The following ARHGEF37 variants were observed in gnomAD, a reference collection of about 807,000 sequenced individuals.
ARHGEF37 encodes the protein Rho guanine nucleotide exchange factor 37.
A neutral mutation model predicts 71.1 loss-of-function variants in ARHGEF37; 55 were observed. The ratio of observed to expected loss-of-function variants is 0.77; its 90% CI spans 0.62 to 0.97. The LOEUF (loss-of-function observed/expected upper bound fraction) is 0.97, where lower values mean the gene tolerates loss of function less well. Among genes scored for constraint, ARHGEF37 ranks in the 50% least tolerant of loss-of-function variants. The probability of loss-of-function intolerance (pLI) is 0.00; values close to 1 mark genes in which losing one functional copy is unlikely to be tolerated. For missense variants in ARHGEF37, 765 were observed against 836.8 expected, an observed-to-expected ratio of 0.91 and a Z score of 1.06; for synonymous variants, 327 against 350.6, an observed-to-expected ratio of 0.93 and a Z score of 0.75.
chr5:149,631,929 T>C (rs1752893990), intron 12 of ARHGEF37, 53 bp from the exon 13 acceptor site: 2 of 1,579,872 alleles, frequency 1.3e-6, no homozygotes. Context: ...CTGGATCCAG[T>C]CTGTCTACCT....
chr5:149,623,780 A>G (rs2113379812), intron 9 of ARHGEF37, among the ~76,000 whole-genome samples: 1 of 152,314 alleles, frequency 6.6e-6, no homozygotes, highest in Admixed American at 6.5e-5. Flanking sequence ...CTAGGTCAGC[A>G]CTAAGAACAA....
intron 1 of ARHGEF37, among the ~76,000 whole-genome samples, chr5:149,583,120 G>A (rs1002422991): frequency 1.3e-5 from 2 of 152,036 alleles, no homozygotes; most frequent in African/African-American, 2.4e-5. Flanking sequence ...TCAACACCCC[G>A]TTTTTTTGTT....
chr5:149,625,219 A>C (rs1752651958), intron 10 of ARHGEF37, among the ~76,000 whole-genome samples: 1 of 152,132 alleles, frequency 6.6e-6, no homozygotes. Context: ...ATGCTTTTTA[A>C]AAAATGTATT....
chr5:149,597,971 C>A lies in ARHGEF37; in HGVS notation c.186+16C>A. 6.4e-7 allele frequency: 1 copy of A among 1,560,376 alleles called. No individual in the cohort carries two copies. Among genetic ancestry groups the A allele is most frequent in the Non-Finnish European group, 8.7e-7 (1 of 1,155,030 alleles). On this transcript the variant is annotated intron_variant, in intron 2 of 12. Coordinates refer to ENST00000333677, the MANE Select transcript of ARHGEF37 (RefSeq NM_001001669.3). The stretch of plus-strand genomic sequence containing the variant: ...CCTCCAGCAGGTACTTGGGTGGGGT[C>A]ACACACAACCTGTCTTTATAGGGGC...
At chr5:149,598,899 G>C (rs1763672437) in intron 2 of ARHGEF37, among the ~76,000 whole-genome samples, 1 of 151,812 alleles carries the variant, frequency 6.6e-6, no homozygotes, top group South Asian at 2.1e-4. Context: ...AGAGGCAAAG[G>C]ATCCAGCATC....
rs113313228 is a variant in ARHGEF37 at position 149,599,418 on chromosome 5, G to A, written c.186+1463G>A. Among the ~76,000 whole-genome samples, 46 of 58,836 alleles carry A rather than the reference G, an allele frequency of 7.8e-4. 1 individual carries two copies. The highest frequency in any genetic ancestry group is 6.7e-3 in the African/African-American group (43 of 6,394). 38.6% of individuals were successfully genotyped at this position (58,836 alleles called of 152,430 possible). On this transcript the variant is annotated intron_variant, in intron 2 of 12. Coordinates refer to ENST00000333677, the MANE Select transcript of ARHGEF37 (RefSeq NM_001001669.3). ...CCAGGGCAAGGCTCGGCTCACCCAGGAAAGCCCAAGGCAAACTTATTTATT... is the reference window on the plus strand; with the variant it reads ...CCAGGGCAAGGCTCGGCTCACCCAGAAAAGCCCAAGGCAAACTTATTTATT...
chr5:149,613,126 G>A (rs1478201149), intron 4 of ARHGEF37, among the ~76,000 whole-genome samples: 1 of 152,194 alleles, frequency 6.6e-6, no homozygotes, highest in Non-Finnish European at 1.5e-5. Context: ...GGAGAAGGCA[G>A]ATAACCTTCT....
At chr5:149,586,030 A>G (rs1033119368) in intron 1 of ARHGEF37, among the ~76,000 whole-genome samples, 1 of 152,168 alleles carries the variant, frequency 6.6e-6, no homozygotes, top group African/African-American at 2.4e-5. Context: ...GCACCAACTA[A>G]ATGCTAGATC....
At chr5:149,565,445 C>T (rs1408705456) in intron 1 of ARHGEF37, among the ~76,000 whole-genome samples, 2 of 152,168 alleles carry the variant, frequency 1.3e-5, no homozygotes, top group Non-Finnish European at 2.9e-5. Context: ...AAAATAATGG[C>T]AGAGCCAGTT....
At chr5:149,569,235 ATTTATT>A (rs1762934418) in intron 1 of ARHGEF37, among the ~76,000 whole-genome samples, 1 of 152,018 alleles carries the variant, frequency 6.6e-6, no homozygotes, top group Non-Finnish European at 1.5e-5. Context: ...ACATGTTTTC[ATTTATT>A]TTGGTCAAAT....
Position 149,609,612 on chromosome 5 carries a change from C to G in ARHGEF37, c.375C>G (p.Tyr125Ter). The change falls in exon 4 of 13, where the codon TAC becomes TAG. Residue 125 changes from tyrosine (Y) to a stop codon, truncating the protein, a stop_gained. Coordinates refer to ENST00000333677, the MANE Select transcript of ARHGEF37 (RefSeq NM_001001669.3). LOFTEE classifies it high-confidence loss of function. ...EQVYKVYCASYDQALLLVDTY... is the reference protein window; with the variant it reads ...EQVYKVYCAS Reference sequence around the variant, plus strand: ...TCTATAAGGTCTACTGTGCCAGCTACGACCAGGCCTTGCTACTGGTGGACA... The same window carrying G: ...TCTATAAGGTCTACTGTGCCAGCTAGGACCAGGCCTTGCTACTGGTGGACA... 6.2e-7 allele frequency: 1 copy of G among 1,613,806 alleles called. No homozygotes were observed. Among genetic ancestry groups the G allele is most frequent in the South Asian group, 1.1e-5 (1 of 91,064 alleles).
chr5:149,616,789 G>T, intron 5 of ARHGEF37, 23 bp downstream of exon 5: 1 of 1,566,354 alleles, frequency 6.4e-7, no homozygotes, highest in Non-Finnish European at 8.7e-7. Context: ...GCATTTAAGG[G>T]GACACATTAG....
At chr5:149,596,948 A>G (rs938096538) in intron 1 of ARHGEF37, among the ~76,000 whole-genome samples, 6 of 152,154 alleles carry the variant, frequency 3.9e-5, no homozygotes, top group African/African-American at 1.4e-4. Flanking sequence ...CATGTTCACA[A>G]GCTTTGTTTC....
rs765224432 is a variant in ARHGEF37, at chr5:149,618,959, G to A, written c.811G>A (p.Asp271Asn). 5.0e-6 allele frequency: 8 copies of A among 1,613,994 alleles called. No individual in the cohort carries two copies. Among genetic ancestry groups the A allele is most frequent in the Non-Finnish European group, 5.9e-6 (7 of 1,179,962 alleles). Residue 271 changes from aspartate to asparagine, a missense_variant, in exon 7 of 13, where the codon GAT becomes AAT. Transcript: ENST00000333677. ...TCAGACAGAAGACAAGGAATTTGAT[G>A]ATTTAGAAGAGAGGTTCCAGTGGGT... is the stretch of plus-strand genomic sequence containing the variant. ...IPRTEDKEFD[D>N]LEERFQWVSL...
chr5:149,598,047 T>C, intron 2 of ARHGEF37, 92 bp downstream of exon 2: 2 of 1,434,194 alleles, frequency 1.4e-6, no homozygotes, highest in Non-Finnish European at 9.3e-7. Flanking sequence ...GGGGCAAGCT[T>C]GACAGAAAGG....
Position 149,616,593 on chromosome 5 carries a change from G to GT in ARHGEF37, c.488dup (p.Leu165AlafsTer25). 6.2e-7 allele frequency: 1 copy of GT among 1,610,822 alleles called. No individual in the cohort carries two copies. Among genetic ancestry groups the GT allele is most frequent in the Non-Finnish European group, 8.5e-7 (1 of 1,178,620 alleles). On this transcript the variant is annotated frameshift_variant, in exon 5 of 13. Coordinates refer to ENST00000333677, the MANE Select transcript of ARHGEF37 (RefSeq NM_001001669.3). LOFTEE classifies it high-confidence loss of function. ...CCGCAAGCTGGATCTTCAGGCCTCA[G>GT]TTTCTTGCTGGTAATTCCTCTGCAG...
At chr5:149,564,519 G>A (rs1013607361) in intron 1 of ARHGEF37, among the ~76,000 whole-genome samples, 1 of 152,072 alleles carries the variant, frequency 6.6e-6, no homozygotes, top group Non-Finnish European at 1.5e-5. Context: ...AAGATTAAGG[G>A]AAGATATAAA....
intron 2 of ARHGEF37, among the ~76,000 whole-genome samples, chr5:149,600,644 A>ATTT (rs11411776): frequency 1.0e-4 from 15 of 145,230 alleles, no homozygotes; most frequent in Admixed American, 3.4e-4. Flanking sequence ...AAAATACCTA[A>ATTT]TTTTTTTTTT....
intron 1 of ARHGEF37, among the ~76,000 whole-genome samples, chr5:149,558,824 G>A (rs965788261): frequency 3.6e-4 from 53 of 148,830 alleles, no homozygotes; most frequent in African/African-American, 4.0e-4. Context: ...CAGATAAATC[G>A]GAAAAAAACA....
Sources: allele counts gnomAD v4.1 joint callset (sites outside exome capture counted in the v4.1 genomes callset), GRCh38; gene constraint gnomAD v4.1.1; transcripts MANE v1.5; gene names NCBI Gene and HGNC (gene_info 2026-07-23, HGNC 2026-07-21).